Variants in PIK3AP1 observed in about 807,000 individuals in gnomAD.
The protein encoded by PIK3AP1 is phosphoinositide 3-kinase adapter protein 1.
Under a neutral mutation model 88.1 loss-of-function variants are expected in PIK3AP1, and 21 were observed. The observed-to-expected ratio is 0.24, with a 90% CI of 0.17 to 0.34. PIK3AP1 has a LOEUF of 0.34. Among genes scored for constraint, PIK3AP1 ranks in the 10% least tolerant of loss-of-function variants. The pLI, the probability that PIK3AP1 is intolerant of heterozygous loss-of-function variation, is 1.00. For missense variants in PIK3AP1, 828 were observed against 1,035.7 expected (o/e 0.80, Z 2.75); for synonymous variants, 398 against 400.0 (o/e 1.00, Z 0.06).
In PIK3AP1 at chr10:96,720,207, C is replaced by T. The variant is rs556786971; in HGVS notation, c.13+175G>A. 1.3e-4 allele frequency among the ~76,000 whole-genome samples: 20 copies of T among 152,136 alleles called. No homozygotes were observed. Among genetic ancestry groups the T allele is most frequent in the African/African-American group, 4.8e-4 (20 of 41,434 alleles). ...TCGCGCCACAGGCTGGGACGGGAAA[C>T]GTGGGAAAGTTGGAGTGGGAAGTTT... On this transcript the variant is annotated intron_variant, in intron 1 of 16. Coordinates refer to ENST00000339364, the MANE Select transcript of PIK3AP1 (RefSeq NM_152309.3). This position sits in a 1 kb window ranked among gnomAD's most constrained non-coding sequence, Gnocchi z 4.6.
At chr10:96,607,253 A>C (rs1345233846) in intron 14 of PIK3AP1, among the ~76,000 whole-genome samples, 1 of 152,144 alleles carries the variant, frequency 6.6e-6, no homozygotes, top group African/African-American at 2.4e-5. Flanking sequence ...CCACAGCTGA[A>C]AGCACAGGAA....
At chr10:96,669,415 CAGG>C (rs1843811244) in intron 2 of PIK3AP1, 1 of 152,190 alleles carries the variant, frequency 6.6e-6, no homozygotes, top group Non-Finnish European at 1.5e-5. Context: ...CTGGATCCCA[CAGG>C]AGAATTCCAG....
rs1217409363 is a variant in PIK3AP1 at position 96,594,924 on chromosome 10, G to A, written c.*653C>T. 2 of 152,438 alleles carry A rather than the reference G, an allele frequency of 1.3e-5. No homozygotes were observed. Among genetic ancestry groups the A allele is most frequent in the Non-Finnish European group, 2.9e-5 (2 of 68,048 alleles). The allele number at this position is 152,438 out of a possible 1,614,324, so 9.4% of individuals were successfully genotyped here. ...TGGAGATGGAAAATGTGGTGACCTA[G>A]AATGAGCAGGCCCAGTCTAGACTAA... On this transcript the variant is annotated 3_prime_UTR_variant, in exon 17 of 17. Transcript: ENST00000339364. The surrounding 1 kb of genome is among the most constrained non-coding windows in gnomAD (Gnocchi z 4.6).
chr10:96,712,331 A>G (rs1028315837), intron 1 of PIK3AP1, among the ~76,000 whole-genome samples: 34 of 152,220 alleles, frequency 2.2e-4, no homozygotes, highest in Non-Finnish European at 4.9e-4. Flanking sequence ...AGAGAACTCA[A>G]TTCTGATCAC....
intron 3 of PIK3AP1, 150 bp from the exon 4 acceptor site, chr10:96,652,992 G>T (rs1227985270): frequency 2.4e-6 from 2 of 821,866 alleles, no homozygotes; most frequent in African/African-American, 3.5e-5. Flanking sequence ...GCTGGGCAGT[G>T]AACTGTTTGC....
chr10:96,599,507 A>G (rs533842337), intron 16 of PIK3AP1, among the ~76,000 whole-genome samples: 75 of 152,216 alleles, frequency 4.9e-4, no homozygotes, highest in African/African-American at 1.7e-3. Context: ...ATGGAGTGGG[A>G]TGGAGGCTGT....
rs866461869 is a variant in PIK3AP1, at chr10:96,637,320, A to T, written c.1375+8153T>A. Among the ~76,000 whole-genome samples the T allele has an allele frequency of 2.0e-3, 273 of 136,394 alleles. 1 individual carries two copies. The highest frequency in any genetic ancestry group is 3.2e-3 in the African/African-American group (94 of 29,010). The allele number at this position is 136,394 out of a possible 152,430, so 89.5% of individuals were successfully genotyped here. A position where few individuals can be genotyped will look rare whatever the true frequency, so the allele number is the denominator to read the frequency against. On this transcript the variant is annotated intron_variant, in intron 8 of 16. Transcript: ENST00000339364. ...ATGTGGGAGAGATATACAATCACAC[A>T]CACACACACACACACACACACACAC...
intron 2 of PIK3AP1, among the ~76,000 whole-genome samples, chr10:96,708,616 A>C (rs1267073410): frequency 6.6e-6 from 1 of 151,612 alleles, no homozygotes; most frequent in Non-Finnish European, 1.5e-5. Context: ...AAAGAAAGCA[A>C]AAAGAGGAAG....
At chr10:96,640,658 T>C (rs980802019) in intron 8 of PIK3AP1, among the ~76,000 whole-genome samples, 2 of 151,940 alleles carry the variant, frequency 1.3e-5, no homozygotes, top group African/African-American at 4.8e-5. Flanking sequence ...ATATGTGGGG[T>C]CTTTTTTTTT....
chr10:96,623,627 G>GT lies in PIK3AP1; in HGVS notation c.1670-91dup. ...TAATGAATCCATACCTAGGACCACC[G>GT]TATGTGGTTCTGTAAATCAAAATTG... On this transcript the variant is annotated intron_variant, in intron 10 of 16. Transcript: ENST00000339364. 4 of 1,124,004 alleles carry GT rather than the reference G, an allele frequency of 3.6e-6. No individual in the cohort carries two copies. In the South Asian group the frequency reaches 5.3e-5, roughly 15 times the overall value. 69.6% of individuals were successfully genotyped at this position (1,124,004 alleles called of 1,614,324 possible).
chr10:96,700,634 A>G (rs1844285078), intron 2 of PIK3AP1, among the ~76,000 whole-genome samples: 1 of 152,182 alleles, frequency 6.6e-6, no homozygotes. Flanking sequence ...GGAGGAGGCA[A>G]TTGCAGAGTG....
chr10:96,604,378 T>G lies in PIK3AP1; in HGVS notation c.2171-329A>C, dbSNP rs943111990. ...TTTTTTTTTTTTTTTTTTTTTTTTT[T>G]GTAGCAACAGGATCTCACTCTGTTG... On this transcript the variant is annotated intron_variant, in intron 14 of 16. Transcript: ENST00000339364. Among the ~76,000 whole-genome samples the G allele has an allele frequency of 1.3e-3, 83 of 62,964 alleles. 1 individual carries two copies. The highest frequency in any genetic ancestry group is 4.5e-3 in the African/African-American group (80 of 17,898). 41.3% of individuals were successfully genotyped at this position (62,964 alleles called of 152,430 possible).
intron 2 of PIK3AP1, among the ~76,000 whole-genome samples, chr10:96,702,691 T>C (rs1844314377): frequency 6.6e-6 from 1 of 151,928 alleles, no homozygotes; most frequent in African/African-American, 2.4e-5. Context: ...TTAATTTGAT[T>C]GTGATAATCA....
chr10:96,643,802 G>A (rs1275677601), intron 8 of PIK3AP1, among the ~76,000 whole-genome samples: 1 of 152,148 alleles, frequency 6.6e-6, no homozygotes, highest in Admixed American at 6.5e-5. Context: ...CTCCCTGTGG[G>A]CCCAGGGCCC....
At chr10:96,598,044 GTTT>G (rs34971365) in intron 16 of PIK3AP1, among the ~76,000 whole-genome samples, 9 of 115,908 alleles carry the variant, frequency 7.8e-5, no homozygotes, top group Non-Finnish European at 1.6e-4. Flanking sequence ...TTTTTTTGTT[GTTT>G]TTTTTTTTTT....
chr10:96,631,424 G>C (rs899506584), intron 8 of PIK3AP1, among the ~76,000 whole-genome samples: 9 of 152,184 alleles, frequency 5.9e-5, no homozygotes, highest in Non-Finnish European at 8.8e-5. Context: ...AACTGAAGGA[G>C]CTATAAAGAG....
chr10:96,718,375 C>G (rs922460094), intron 1 of PIK3AP1, among the ~76,000 whole-genome samples: 2 of 152,220 alleles, frequency 1.3e-5, no homozygotes, highest in African/African-American at 4.8e-5. Context: ...GACTCCAAAG[C>G]CCACAGCACC....
At chr10:96,664,159 C>CCAAA (rs1843730393) in intron 2 of PIK3AP1, among the ~76,000 whole-genome samples, 1 of 152,148 alleles carries the variant, frequency 6.6e-6, no homozygotes, top group Non-Finnish European at 1.5e-5. Context: ...AACCAAGAGG[C>CCAAA]TTTGCATCAG....
rs111725296 is a variant in PIK3AP1 at position 96,603,802 on chromosome 10, G to A, written c.2241+177C>T. 4,484 of 589,308 alleles carry A rather than the reference G, an allele frequency of 7.6e-3. 149 individuals are homozygous for A. Among genetic ancestry groups the A allele is most frequent in the African/African-American group, 0.072 (3,790 of 52,506 alleles). 36.5% of individuals were successfully genotyped at this position (589,308 alleles called of 1,614,324 possible). ...CTTCCCATTCCTCCTCCCTCCAGCC[G>A]CTGGCAACCACCAATCTTCAAACTG... On this transcript the variant is annotated intron_variant, in intron 15 of 16. Transcript: ENST00000339364.
Sources: allele counts gnomAD v4.1 joint callset (sites outside exome capture counted in the v4.1 genomes callset), GRCh38; gene constraint gnomAD v4.1.1; non-coding constraint Gnocchi (gnomAD v3.1); transcripts MANE v1.5; gene names NCBI Gene and HGNC (gene_info 2026-07-23, HGNC 2026-07-21).